The following ZNF382 variants were observed in gnomAD, a reference collection of about 807,000 sequenced individuals.
ZNF382 encodes the protein zinc finger protein 382.
A neutral mutation model predicts 38.8 loss-of-function variants in ZNF382; 20 were observed. The ratio of observed to expected loss-of-function variants is 0.51; its 90% CI spans 0.36 to 0.75. The LOEUF (loss-of-function observed/expected upper bound fraction) is 0.75, where lower values mean the gene tolerates loss of function less well. Ranked by LOEUF, ZNF382 falls within the 30% of genes least tolerant of loss-of-function variation. The pLI, the probability that ZNF382 is intolerant of heterozygous loss-of-function variation, is 0.00. For synonymous variants in ZNF382, 202 were observed against 223.1 expected, an observed-to-expected ratio of 0.91 and a Z score of 0.84; for missense variants, 546 against 654.1, an observed-to-expected ratio of 0.83 and a Z score of 1.80.
chr19:36,615,802 G>T (rs1323371046), intron 4 of ZNF382, among the ~76,000 whole-genome samples: 4 of 152,050 alleles, frequency 2.6e-5, no homozygotes, highest in Non-Finnish European at 4.4e-5. Context: ...TTTTTCTTAA[G>T]TTGAATTTAT....
At chr19:36,624,471 A>T (rs961118046) in intron 4 of ZNF382, among the ~76,000 whole-genome samples, 1 of 152,224 alleles carries the variant, frequency 6.6e-6, no homozygotes, top group African/African-American at 2.4e-5. Flanking sequence ...TCCATCTTTA[A>T]ATTGCCCTCC....
At chr19:36,614,300 A>G in intron 4 of ZNF382, among the ~76,000 whole-genome samples, 1 of 152,158 alleles carries the variant, frequency 6.6e-6, no homozygotes, top group East Asian at 1.9e-4. Flanking sequence ...AGACCGCGCC[A>G]TTGCACTCCA....
intron 2 of ZNF382, chr19:36,608,785 G>C (rs1057504317): frequency 6.6e-6 from 1 of 152,270 alleles, no homozygotes; most frequent in Non-Finnish European, 1.5e-5. Context: ...CTTTGGTCCA[G>C]CTTACATTTT....
At chr19:36,625,392 G>T (rs572447407) in intron 4 of ZNF382, among the ~76,000 whole-genome samples, 1 of 151,706 alleles carries the variant, frequency 6.6e-6, no homozygotes, top group Non-Finnish European at 1.5e-5. Flanking sequence ...ACATTTAGTC[G>T]TGAGGGGATA....
intron 4 of ZNF382, among the ~76,000 whole-genome samples, chr19:36,615,540 A>T (rs956459322): frequency 6.6e-6 from 1 of 152,184 alleles, no homozygotes; most frequent in Non-Finnish European, 1.5e-5. Flanking sequence ...ACCTACACAG[A>T]TAGTATTTAT....
At chr19:36,609,746 T>C (rs1251975019) in intron 2 of ZNF382, 156 bp from the exon 3 acceptor site, 2 of 686,892 alleles carry the variant, frequency 2.9e-6, no homozygotes, top group South Asian at 2.6e-5. Context: ...GATCTCAGTA[T>C]GTTTAGCATG....
rs1371652593 is a variant in ZNF382, at chr19:36,610,658, A to G, written c.148A>G (p.Met50Val). ...YCHFVSVGFHMAKPDMIRKLE... is the reference protein window; with the variant it reads ...YCHFVSVGFHVAKPDMIRKLE... ...TCATTTTCCATCATCAGGGTTTCAC[A>G]TGGCTAAGCCTGATATGATCCGCAA... The change falls in exon 4 of 5, where the codon ATG becomes GTG. Residue 50 changes from methionine (M) to valine (V), a missense_variant. Transcript: ENST00000292928. 1.9e-6 allele frequency: 3 copies of G among 1,609,258 alleles called. No homozygotes were observed. In the Admixed American group the frequency reaches 5.1e-5, roughly 27 times the overall value.
intron 2 of ZNF382, chr19:36,608,845 T>C (rs2037055035): frequency 6.6e-6 from 1 of 152,286 alleles, no homozygotes; most frequent in African/African-American, 2.4e-5. Context: ...TGCATTTGCC[T>C]ATGCAGATAA....
At chr19:36,624,777 G>T (rs2037196528) in intron 4 of ZNF382, among the ~76,000 whole-genome samples, 1 of 151,990 alleles carries the variant, frequency 6.6e-6, no homozygotes, top group Non-Finnish European at 1.5e-5. Context: ...GATGGTAACA[G>T]CAATCAGAAT....
At chr19:36,615,578 A>G (rs1310369465) in intron 4 of ZNF382, among the ~76,000 whole-genome samples, 3 of 152,240 alleles carry the variant, frequency 2.0e-5, no homozygotes, top group Admixed American at 6.5e-5. Context: ...TGAAAATTTT[A>G]TAATACATTA....
intron 4 of ZNF382, among the ~76,000 whole-genome samples, chr19:36,625,450 C>A (rs1364230535): frequency 1.3e-5 from 2 of 151,878 alleles, no homozygotes; most frequent in South Asian, 4.1e-4. Context: ...GTCACATTGC[C>A]TACTGTTCAG....
chr19:36,617,479 G>A (rs1008877642), intron 4 of ZNF382, among the ~76,000 whole-genome samples: 1 of 152,138 alleles, frequency 6.6e-6, no homozygotes, highest in African/African-American at 2.4e-5. Context: ...GGCTCAAAAG[G>A]TGTGCACTTG....
At chr19:36,616,908 G>A (rs2145323144) in intron 4 of ZNF382, among the ~76,000 whole-genome samples, 1 of 152,238 alleles carries the variant, frequency 6.6e-6, no homozygotes, top group South Asian at 2.1e-4. Context: ...CAGCAGGGTG[G>A]ACAGAGGGAT....
chr19:36,627,285 C>A lies in ZNF382; in HGVS notation c.1388C>A (p.Pro463His). ...LHQRIHTGEKPYICNECGKSF... is the reference protein window; with the variant it reads ...LHQRIHTGEKHYICNECGKSF... Reference sequence around the variant, plus strand: ...CAGAGAATTCACACGGGGGAAAAACCCTATATTTGTAATGAATGTGGGAAG... The same window carrying A: ...CAGAGAATTCACACGGGGGAAAAACACTATATTTGTAATGAATGTGGGAAG... The change falls in exon 5 of 5, where the codon CCC (proline) becomes CAC (histidine). Residue 463 changes from proline to histidine, a missense_variant. Pro to His is a moderately conservative substitution (Grantham distance 77, BLOSUM62 -2). Transcript: ENST00000292928. 1 of 1,613,958 alleles carries A rather than the reference C, an allele frequency of 6.2e-7. No individual in the cohort carries two copies.
At chr19:36,613,841 T>G (rs1188923175) in intron 4 of ZNF382, among the ~76,000 whole-genome samples, 2 of 152,232 alleles carry the variant, frequency 1.3e-5, no homozygotes, top group African/African-American at 4.8e-5. Flanking sequence ...GTTATCAATT[T>G]GTTCCATCAG....
chr19:36,606,393 T>C (rs2037026943), intron 1 of ZNF382, among the ~76,000 whole-genome samples: 1 of 151,684 alleles, frequency 6.6e-6, no homozygotes, highest in African/African-American at 2.4e-5. Context: ...TCTTGCTCTT[T>C]TGCCCAGGCT....
Position 36,607,584 on chromosome 19 carries a change from A to G in ZNF382, c.-52A>G. ...TCTTTTTCCAAAAGAGGAGCTCAAA[A>G]GAGAAAGTTCATCTAGAAATCTCAA... On this transcript the variant is annotated 5_prime_UTR_variant, in exon 2 of 5. Coordinates refer to ENST00000292928, the MANE Select transcript of ZNF382 (RefSeq NM_032825.5). 6.5e-7 allele frequency: 1 copy of G among 1,534,752 alleles called. No homozygotes were observed. The highest frequency in any genetic ancestry group is 8.7e-7 in the Non-Finnish European group (1 of 1,146,488).
At chr19:36,626,052 A>G (rs1284827104) in intron 4 of ZNF382, 78 bp from the exon 5 acceptor site, 1 of 1,036,164 alleles carries the variant, frequency 9.7e-7, no homozygotes, top group Non-Finnish European at 1.3e-6. Context: ...AGATAGTCCC[A>G]CCATAGTTTG....
At chr19:36,609,878 C>A in intron 2 of ZNF382, 24 bp from the exon 3 acceptor site, 1 of 1,564,854 alleles carries the variant, frequency 6.4e-7, no homozygotes. Context: ...ATATCTAGTT[C>A]TCACACATTT....
Sources: gnomAD v4.1 joint callset for allele counts (sites outside exome capture counted in the v4.1 genomes callset) on GRCh38, gnomAD v4.1.1 for gene constraint, MANE v1.5 for transcripts, NCBI Gene and HGNC (gene_info 2026-07-23, HGNC 2026-07-21) for gene names.